Variants in ADGRL2 observed in about 807,000 individuals in gnomAD.
The protein encoded by ADGRL2 is calcium-independent alpha-latrotoxin receptor 2.
In ADGRL2, 44 loss-of-function variants were observed where a neutral mutation model predicts 157.4. The ratio of observed to expected loss-of-function variants is 0.28; its 90% confidence interval spans 0.22 to 0.36. The LOEUF (loss-of-function observed/expected upper bound fraction) is 0.36, where lower values mean the gene tolerates loss of function less well. Among genes scored for constraint, ADGRL2 ranks in the 10% least tolerant of loss-of-function variants. The pLI is 1.00. For missense variants in ADGRL2, 1,510 were observed against 1,768.9 expected (o/e 0.85, Z 2.63); for synonymous variants, 585 against 624.7 (o/e 0.94, Z 0.95).
At chr1:81,631,351 G>A (rs2082007190) in intron 3 of ADGRL2, among the ~76,000 whole-genome samples, 1 of 152,018 alleles carries the variant, frequency 6.6e-6, no homozygotes, top group African/African-American at 2.4e-5. Flanking sequence ...CGAGTAGCTG[G>A]AATTACAGGT....
intron 1 of ADGRL2, among the ~76,000 whole-genome samples, chr1:81,344,506 A>G (rs1441133623): frequency 6.6e-6 from 1 of 151,760 alleles, no homozygotes; most frequent in Non-Finnish European, 1.5e-5. Context: ...GAGAAACCCC[A>G]TCTCTACTAA....
At chr1:81,494,633 A>G (rs1231420078) in intron 2 of ADGRL2, among the ~76,000 whole-genome samples, 3 of 152,188 alleles carry the variant, frequency 2.0e-5, no homozygotes, top group African/African-American at 7.2e-5. Context: ...AGTCTTGATT[A>G]CCAACCAGTC....
intron 3 of ADGRL2, among the ~76,000 whole-genome samples, chr1:81,670,477 G>A (rs1372961659): frequency 6.6e-6 from 1 of 152,138 alleles, no homozygotes; most frequent in Non-Finnish European, 1.5e-5. Context: ...CCTCTGGCAC[G>A]AAGCCTAGAA....
intron 1 of ADGRL2, among the ~76,000 whole-genome samples, chr1:81,367,880 G>A (rs568554857): frequency 1.3e-5 from 2 of 152,228 alleles, no homozygotes; most frequent in Non-Finnish European, 2.9e-5. Context: ...TGGCTGCATA[G>A]TATTCCATGG....
chr1:81,425,323 C>T (rs1411098504), intron 1 of ADGRL2, among the ~76,000 whole-genome samples: 3 of 152,102 alleles, frequency 2.0e-5, no homozygotes, highest in Non-Finnish European at 2.9e-5. Context: ...CATTTACTAC[C>T]AGTTCTCACT....
chr1:81,427,025 TAACA>T, intron 1 of ADGRL2: 2 of 1,070,394 alleles, frequency 1.9e-6, no homozygotes, highest in Non-Finnish European at 2.9e-6. Context: ...CCACAGTTGA[TAACA>T]TTGTTATTCA....
chr1:81,381,648 C>T (rs1443302400), intron 1 of ADGRL2, among the ~76,000 whole-genome samples: 2 of 151,998 alleles, frequency 1.3e-5, no homozygotes, highest in Non-Finnish European at 2.9e-5. Flanking sequence ...GAAATTTTGT[C>T]TCCTACTCAG....
Position 81,912,079 on chromosome 1 carries a change from T to A in ADGRL2, c.287+4849T>A, listed in dbSNP as rs935647074. On this transcript the variant is annotated intron_variant, in intron 3 of 23. Transcript: ENST00000686636. ...GTTTCTTTTATTTTTTTTTATTTTTTATTTTTTTTTGAGATAGGGTCTCAC... is the reference window on the plus strand; with the variant it reads ...GTTTCTTTTATTTTTTTTTATTTTTAATTTTTTTTTGAGATAGGGTCTCAC... 2.0e-5 allele frequency among the ~76,000 whole-genome samples: 3 copies of A among 149,922 alleles called. No individual in the cohort carries two copies. In the East Asian group the frequency reaches 5.9e-4, roughly 30 times the overall value.
chr1:81,727,532 A>G (rs1179648445), intron 1 of ADGRL2, among the ~76,000 whole-genome samples: 1 of 152,010 alleles, frequency 6.6e-6, no homozygotes. Flanking sequence ...TCCCTGGTTC[A>G]AGCAATTCTC....
chr1:81,953,772 T>A (rs1037498319), intron 10 of ADGRL2, among the ~76,000 whole-genome samples: 3 of 152,182 alleles, frequency 2.0e-5, no homozygotes, highest in East Asian at 3.8e-4. Flanking sequence ...GAGTTCCTTT[T>A]GGGGAGATAT....
chr1:81,659,052 ATTTTTT>A (rs55832240), intron 3 of ADGRL2, among the ~76,000 whole-genome samples: 1 of 60,528 alleles, frequency 1.7e-5, no homozygotes, highest in African/African-American at 7.9e-5. Context: ...ACACCCAGCA[ATTTTTT>A]TTTTTTTTTT....
At chr1:81,723,800 C>A (rs2084418334) in intron 1 of ADGRL2, among the ~76,000 whole-genome samples, 1 of 151,968 alleles carries the variant, frequency 6.6e-6, no homozygotes, top group Non-Finnish European at 1.5e-5. Context: ...CAGGTTTGCC[C>A]TTAAATCTCA....
intron 2 of ADGRL2, among the ~76,000 whole-genome samples, chr1:81,451,006 T>C (rs1408284612): frequency 6.6e-6 from 1 of 152,178 alleles, no homozygotes; most frequent in Non-Finnish European, 1.5e-5. Context: ...CTTTCAAATT[T>C]AAGGCCAGTT....
At chr1:81,908,873 T>C (rs1351641441) in intron 3 of ADGRL2, among the ~76,000 whole-genome samples, 9 of 110,546 alleles carry the variant, frequency 8.1e-5, no homozygotes, top group African/African-American at 3.3e-4. Context: ...ATCTTTTTTT[T>C]CTTTCTTTTT....
At chr1:81,517,820 T>C (rs1285042214) in intron 2 of ADGRL2, among the ~76,000 whole-genome samples, 1 of 152,250 alleles carries the variant, frequency 6.6e-6, no homozygotes, top group Non-Finnish European at 1.5e-5. Flanking sequence ...GTTTGCTTCC[T>C]GTTCGAGACA....
At chr1:81,520,742 C>T (rs2079294784) in intron 2 of ADGRL2, among the ~76,000 whole-genome samples, 1 of 152,164 alleles carries the variant, frequency 6.6e-6, no homozygotes, top group African/African-American at 2.4e-5. Flanking sequence ...AACCTCTTTC[C>T]TTTACAAATT....
intron 1 of ADGRL2, among the ~76,000 whole-genome samples, chr1:81,361,564 C>A (rs2075978965): frequency 6.6e-6 from 1 of 151,890 alleles, no homozygotes; most frequent in Non-Finnish European, 1.5e-5. Context: ...AAAGGACACT[C>A]AACAAATATT....
At chr1:81,600,642 G>A (rs572905144) in intron 3 of ADGRL2, among the ~76,000 whole-genome samples, 1 of 152,314 alleles carries the variant, frequency 6.6e-6, no homozygotes, top group South Asian at 2.1e-4. Context: ...TAGGAAATGT[G>A]TTTCTCAGAA....
rs1306685243 is a variant in ADGRL2, at chr1:81,725,037, C to T, written c.-143+25229C>T. Among the ~76,000 whole-genome samples, 232 of 146,448 alleles carry T rather than the reference C, an allele frequency of 1.6e-3. 1 individual carries two copies. The highest frequency in any genetic ancestry group is 5.4e-3 in the African/African-American group (213 of 39,450). The stretch of plus-strand genomic sequence containing the variant: ...TGGCCAACATAGTGAAACCCTGTCT[C>T]TACTAAAAATACAAAAAATTAGCTG... On this transcript the variant is annotated intron_variant, in intron 1 of 20. Transcript: ENST00000359929.
Sources: gnomAD v4.1 joint callset for allele counts (sites outside exome capture counted in the v4.1 genomes callset) on GRCh38, gnomAD v4.1.1 for gene constraint, MANE v1.5 for transcripts, NCBI Gene and HGNC (gene_info 2026-07-23, HGNC 2026-07-21) for gene names.